The following USP25 variants were observed in gnomAD, a reference collection of about 807,000 sequenced individuals.
USP25 encodes the protein ubiquitin specific peptidase 25.
In USP25, 85 loss-of-function variants were observed where a neutral mutation model predicts 158.5. That is an observed-to-expected ratio of 0.54 (90% CI 0.45 to 0.64). The LOEUF is 0.64. USP25 is among the 30% of genes least tolerant of loss of function. USP25 has a pLI of 0.00. For missense variants in USP25, 1,242 were observed against 1,327.3 expected, an observed-to-expected ratio of 0.94 and a Z score of 1.00; for synonymous variants, 464 against 460.4, an observed-to-expected ratio of 1.01 and a Z score of -0.10.
chr21:15,851,231 T>C (rs1251195467), intron 20 of USP25, among the ~76,000 whole-genome samples: 2 of 152,092 alleles, frequency 1.3e-5, no homozygotes, highest in African/African-American at 4.8e-5. Flanking sequence ...TTATGTTGAA[T>C]TGCAAATCTC....
intron 17 of USP25, among the ~76,000 whole-genome samples, chr21:15,840,513 G>T (rs2038280535): frequency 6.6e-6 from 1 of 152,008 alleles, no homozygotes; most frequent in South Asian, 2.1e-4. Flanking sequence ...AATATTGTAG[G>T]TTCAACTCCC....
At chr21:15,831,880 G>C (rs1242125585) in intron 16 of USP25, among the ~76,000 whole-genome samples, 2 of 152,150 alleles carry the variant, frequency 1.3e-5, no homozygotes, top group African/African-American at 4.8e-5. Context: ...TTTAGTGACT[G>C]TTCCACAGAT....
At chr21:15,878,069 C>T (rs971768661) in intron 25 of USP25, 78 bp downstream of exon 25, 1 of 1,212,494 alleles carries the variant, frequency 8.2e-7, no homozygotes. Context: ...TTTATTCTTG[C>T]CATTTTTTAT....
At chr21:15,828,719 G>T (rs908101142) in intron 14 of USP25, among the ~76,000 whole-genome samples, 1 of 152,122 alleles carries the variant, frequency 6.6e-6, no homozygotes, top group Non-Finnish European at 1.5e-5. Flanking sequence ...GCTCACTCCA[G>T]CCTCTGCCTC....
intron 1 of USP25, among the ~76,000 whole-genome samples, chr21:15,746,724 T>A (rs930614894): frequency 1.3e-5 from 2 of 152,188 alleles, no homozygotes; most frequent in Non-Finnish European, 2.9e-5. Context: ...TTCCAATTGT[T>A]TTTTGCTGGT....
At chr21:15,793,095 C>T (rs1262981815) in intron 5 of USP25, among the ~76,000 whole-genome samples, 1 of 151,512 alleles carries the variant, frequency 6.6e-6, no homozygotes, top group Non-Finnish European at 1.5e-5. Flanking sequence ...TTTTAAGGCT[C>T]TGAACTGAGT....
rs1403191620 is a variant in USP25 at position 15,874,392 on chromosome 21, T to C, written c.2886-11T>C. 1.3e-6 allele frequency: 2 copies of C among 1,589,838 alleles called. No homozygotes were observed. Among genetic ancestry groups the C allele is most frequent in the Non-Finnish European group, 1.7e-6 (2 of 1,169,308 alleles). ...AATACTAATGTTATATGTTTCTTTT[T>C]AATTTTCAAGTTATATAGATTCCTT... On this transcript the variant is annotated splice_polypyrimidine_tract_variant and intron_variant, in intron 23 of 25. Transcript: ENST00000400183.
chr21:15,852,942 C>G (rs2038953074), intron 20 of USP25, among the ~76,000 whole-genome samples: 2 of 152,078 alleles, frequency 1.3e-5, no homozygotes, highest in Admixed American at 1.3e-4. Context: ...GGACACAACT[C>G]TAGCTGATAA....
Position 15,766,038 on chromosome 21 carries a change from T to C in USP25, c.165T>C (p.Thr55=). ...GNLELAVAFL[T]AKNAKTPQQE... is the part of the protein sequence containing the mutation. ...TGGAATTAGCAGTGGCTTTCCTTAC[T>C]GCGAAGAATGCTAAGACCCCTCAGC... Residue 55 remains threonine, a synonymous_variant, in exon 3 of 26, where the codon ACT becomes ACC. Transcript: ENST00000400183. The surrounding 1 kb of genome is among the most constrained non-coding windows in gnomAD (Gnocchi z 4.0). The C allele has an allele frequency of 1.2e-6, 2 of 1,609,574 alleles. No homozygotes were observed. The highest frequency in any genetic ancestry group is 1.7e-6 in the Non-Finnish European group (2 of 1,177,610).
At chr21:15,738,938 C>T (rs188394106) in intron 1 of USP25, among the ~76,000 whole-genome samples, 7 of 152,202 alleles carry the variant, frequency 4.6e-5, no homozygotes, top group Non-Finnish European at 5.9e-5. Flanking sequence ...TCACATACCC[C>T]CTGCTTGCTC....
rs548474840 is a variant in USP25, at chr21:15,866,040, C to T, written c.2727-226C>T. On this transcript the variant is annotated intron_variant, in intron 21 of 25. Coordinates refer to ENST00000400183, the MANE Select transcript of USP25 (RefSeq NM_001283041.3). ...GTAATTTAAAAGCCATATATCAATA[C>T]AACACAGTAAATTTGAATTAGAATT... Among the ~76,000 whole-genome samples, 183 of 152,136 alleles carry T rather than the reference C, an allele frequency of 1.2e-3. 1 individual carries two copies. Among genetic ancestry groups the T allele is most frequent in the African/African-American group, 4.2e-3 (174 of 41,532 alleles).
chr21:15,791,606 A>C lies in USP25; in HGVS notation c.497A>C (p.Lys166Thr). The part of the protein sequence containing the change: ...RNPYDRKRQD[K>T]APVGLKNVGN... Reference sequence around the variant, plus strand: ...CCTTATGATAGAAAAAGACAGGACAAAGCTCCCGTTGGGCTAAAGAATGTT... The same window carrying C: ...CCTTATGATAGAAAAAGACAGGACACAGCTCCCGTTGGGCTAAAGAATGTT... Residue 166 changes from lysine (K) to threonine (T), a missense_variant, in exon 5 of 26, where the codon AAA becomes ACA. Transcript: ENST00000400183. 3 of 1,611,376 alleles carry C rather than the reference A, an allele frequency of 1.9e-6. No homozygotes were observed. Among genetic ancestry groups the C allele is most frequent in the Non-Finnish European group, 1.7e-6 (2 of 1,178,266 alleles).
intron 4 of USP25, among the ~76,000 whole-genome samples, chr21:15,789,371 A>C (rs1420368041): frequency 2.0e-5 from 3 of 152,068 alleles, no homozygotes; most frequent in African/African-American, 7.2e-5. Context: ...GATGTCCTCA[A>C]GTTTTCTGTA....
intron 1 of USP25, among the ~76,000 whole-genome samples, chr21:15,737,707 C>G (rs1229479879): frequency 6.7e-6 from 1 of 150,058 alleles, no homozygotes; most frequent in Admixed American, 6.6e-5. Context: ...ATTTTATACT[C>G]TTTTTCATCT....
Position 15,864,271 on chromosome 21 carries a change from A to G in USP25, c.2551A>G (p.Ile851Val). 6.3e-7 allele frequency: 1 copy of G among 1,593,154 alleles called. No homozygotes were observed. The highest frequency in any genetic ancestry group is 8.5e-7 in the Non-Finnish European group (1 of 1,174,520). The change falls in exon 21 of 26, where the codon ATT (isoleucine) becomes GTT (valine). Residue 851 changes from isoleucine (I) to valine (V), a missense_variant. Ile to Val is a conservative substitution (Grantham distance 29). Transcript: ENST00000400183. ...TCATTTTCATTGCATTTTCCAGGCAATTAAGTTGGAATATGCAAGGTTGGT... is the reference window on the plus strand; with the variant it reads ...TCATTTTCATTGCATTTTCCAGGCAGTTAAGTTGGAATATGCAAGGTTGGT... The part of the protein sequence containing the change: ...CGPEAGFFKA[I>V]KLEYARLVKL...
rs757120091 is a variant in USP25, at chr21:15,818,780, A to G, written c.1014A>G (p.Glu338=). 12 of 1,613,964 alleles carry G rather than the reference A, an allele frequency of 7.4e-6. No individual in the cohort carries two copies. The South Asian group carries it at 1.3e-4, about 18-fold the overall frequency. The stretch of plus-strand genomic sequence containing the variant: ...TCAAAGATCTGCATGAGTGCCTAGA[A>G]GCTGCAATGATTGAAGGAGAAATTG... ...NGFKDLHECL[E]AAMIEGEIES... is the part of the protein sequence containing the mutation. Residue 338 remains glutamate, a synonymous_variant, in exon 10 of 26, where the codon GAA becomes GAG. Transcript: ENST00000400183.
At chr21:15,851,224 T>A (rs1000583669) in intron 20 of USP25, among the ~76,000 whole-genome samples, 2 of 152,128 alleles carry the variant, frequency 1.3e-5, no homozygotes, top group African/African-American at 2.4e-5. Flanking sequence ...GGTCTTCTTA[T>A]GTTGAATTGC....
At chr21:15,783,706 T>C (rs2035100888) in intron 4 of USP25, among the ~76,000 whole-genome samples, 1 of 151,442 alleles carries the variant, frequency 6.6e-6, no homozygotes, top group Non-Finnish European at 1.5e-5. Flanking sequence ...GCCTGTAATC[T>C]CAGCACTTTG....
chr21:15,831,272 G>C, intron 15 of USP25, 129 bp from the exon 16 acceptor site: 2 of 782,468 alleles, frequency 2.6e-6, no homozygotes, highest in Non-Finnish European at 4.1e-6. Context: ...AGCCCAGCCA[G>C]TTCTCTCTCA....
Sources: allele counts gnomAD v4.1 joint callset (sites outside exome capture counted in the v4.1 genomes callset), GRCh38; gene constraint gnomAD v4.1.1; non-coding constraint Gnocchi (gnomAD v3.1); transcripts MANE v1.5; gene names NCBI Gene and HGNC (gene_info 2026-07-23, HGNC 2026-07-21).